The following AHI1 variants were observed in gnomAD, a reference collection of about 807,000 sequenced individuals.
The protein encoded by AHI1 is jouberin.
In AHI1, 123 loss-of-function variants were observed where a neutral mutation model predicts 149.3. The ratio of observed to expected loss-of-function variants is 0.82; its 90% confidence interval spans 0.71 to 0.96. AHI1 has a LOEUF of 0.96. Ranked by LOEUF, AHI1 falls within the 40% of genes least tolerant of loss-of-function variation. AHI1 has a pLI of 0.00. For missense variants in AHI1, 1,439 were observed against 1,422.7 expected (o/e 1.01, Z -0.18); for synonymous variants, 475 against 459.8 (o/e 1.03, Z -0.42).
chr6:135,316,561 G>A (rs145785175), intron 26 of AHI1, among the ~76,000 whole-genome samples: 75 of 151,778 alleles, frequency 4.9e-4, no homozygotes, highest in African/African-American at 1.7e-3. Flanking sequence ...TGGCTTCCAG[G>A]GCACTTTTTT....
chr6:135,483,566 G>C (rs778125939), intron 5 of AHI1, among the ~76,000 whole-genome samples: 1 of 152,092 alleles, frequency 6.6e-6, no homozygotes, highest in African/African-American at 2.4e-5. Context: ...GAATGTATAC[G>C]CAACTTCATA....
intron 20 of AHI1, among the ~76,000 whole-genome samples, chr6:135,418,528 G>C (rs908387344): frequency 1.3e-5 from 2 of 152,072 alleles, no homozygotes; most frequent in Non-Finnish European, 2.9e-5. Context: ...TTTCTCAAGA[G>C]ATTTTTATCT....
intron 5 of AHI1, among the ~76,000 whole-genome samples, chr6:135,468,477 G>A (rs1353314870): frequency 3.9e-5 from 6 of 152,100 alleles, no homozygotes; most frequent in Admixed American, 3.9e-4. Flanking sequence ...GCCGAGGTGG[G>A]TGGATCACAT....
chr6:135,364,584 C>T (rs1197409628), intron 23 of AHI1, among the ~76,000 whole-genome samples: 1 of 151,524 alleles, frequency 6.6e-6, no homozygotes, highest in South Asian at 2.1e-4. Flanking sequence ...CACGCCACTG[C>T]ACTCCAGCCT....
intron 24 of AHI1, among the ~76,000 whole-genome samples, chr6:135,357,428 A>G (rs545042344): frequency 3.9e-5 from 6 of 152,370 alleles, no homozygotes; most frequent in Admixed American, 3.9e-4. Context: ...AAAATTTGAA[A>G]AAGACCAAAA....
intron 26 of AHI1, among the ~76,000 whole-genome samples, chr6:135,311,480 G>A (rs1310028751): frequency 6.6e-6 from 1 of 152,070 alleles, no homozygotes; most frequent in Non-Finnish European, 1.5e-5. Flanking sequence ...TAGCAGGACA[G>A]AAGACTAATT....
Position 135,355,771 on chromosome 6 carries a change from C to T in AHI1, c.3165+2361G>A, listed in dbSNP as rs573726588. Among the ~76,000 whole-genome samples the T allele has an allele frequency of 8.5e-5, 13 of 152,088 alleles. No homozygotes were observed. The South Asian group carries it at 1.5e-3, about 17-fold the overall frequency. ...AAAATTAGCTGGGCGTGGTTGTGGA[C>T]GCCTGTAATCCCAGCTACTTAGGAG... On this transcript the variant is annotated intron_variant, in intron 24 of 28. Transcript: ENST00000265602.
intron 8 of AHI1, among the ~76,000 whole-genome samples, 173 bp from the exon 9 acceptor site, chr6:135,457,886 C>T (rs192887309): frequency 7.7e-4 from 117 of 152,192 alleles, no homozygotes; most frequent in African/African-American, 2.6e-3. Context: ...TAAAATACTA[C>T]ATTTGCTAAT....
intron 20 of AHI1, among the ~76,000 whole-genome samples, chr6:135,423,063 A>G (rs577413512): frequency 2.6e-5 from 4 of 152,106 alleles, no homozygotes; most frequent in African/African-American, 7.2e-5. Flanking sequence ...TAGGAAAATT[A>G]TTGTTTTCTC....
At position 135,428,775 on chromosome 6, in the gene AHI1, A is replaced by G; in HGVS notation, c.2493-16T>C. ...TGCTACTAATCTACAAGCAAAAAAG[A>G]TTTTACAAATGTAACTGTCTTAATC... On this transcript the variant is annotated splice_polypyrimidine_tract_variant and intron_variant, in intron 18 of 28. Transcript: ENST00000265602. 6.3e-7 allele frequency: 1 copy of G among 1,586,866 alleles called. No homozygotes were observed.
chr6:135,359,981 T>C (rs1793601026), intron 23 of AHI1, among the ~76,000 whole-genome samples: 1 of 152,144 alleles, frequency 6.6e-6, no homozygotes. Context: ...AACTGGATTA[T>C]CCAAAGTTAT....
At chr6:135,413,207 T>C (rs954982664) in intron 20 of AHI1, among the ~76,000 whole-genome samples, 3 of 152,006 alleles carry the variant, frequency 2.0e-5, no homozygotes, top group African/African-American at 7.2e-5. Flanking sequence ...CATGTGCCTG[T>C]AGTTTCCAGC....
intron 20 of AHI1, among the ~76,000 whole-genome samples, chr6:135,413,158 G>A (rs752085272): frequency 6.6e-6 from 1 of 151,826 alleles, no homozygotes; most frequent in Non-Finnish European, 1.5e-5. Context: ...ATGAGACCCT[G>A]TCTCTATAAA....
chr6:135,398,058 GTTTTTTT>G (rs68148024), intron 22 of AHI1, among the ~76,000 whole-genome samples: 5 of 88,428 alleles, frequency 5.7e-5, no homozygotes, highest in Admixed American at 1.3e-4. Flanking sequence ...TACCCAGGAT[GTTTTTTT>G]TTTTTTTTTT....
intron 13 of AHI1, among the ~76,000 whole-genome samples, chr6:135,445,416 A>G (rs1451591071): frequency 1.3e-5 from 2 of 152,198 alleles, no homozygotes; most frequent in African/African-American, 4.8e-5. Context: ...TAAAAGCTTA[A>G]ATTCTGCTCA....
intron 24 of AHI1, 140 bp from the exon 25 acceptor site, chr6:135,323,464 A>C (rs2128385042): frequency 1.3e-6 from 1 of 797,218 alleles, no homozygotes; most frequent in Middle Eastern, 2.4e-4. Context: ...AAGGTTTGCT[A>C]ATGGGATGAG....
intron 23 of AHI1, among the ~76,000 whole-genome samples, chr6:135,363,787 C>T (rs1261123345): frequency 5.9e-4 from 88 of 149,318 alleles, no homozygotes; most frequent in African/African-American, 2.0e-3. Flanking sequence ...CACCTCCCTC[C>T]GGGACGGGGT....
chr6:135,464,165 A>G (rs779594358), intron 7 of AHI1, among the ~76,000 whole-genome samples: 1 of 152,156 alleles, frequency 6.6e-6, no homozygotes, highest in Non-Finnish European at 1.5e-5. Context: ...ATTAATTTCC[A>G]ATATTTTTAG....
intron 5 of AHI1, among the ~76,000 whole-genome samples, chr6:135,472,121 G>A (rs1018569361): frequency 6.8e-6 from 1 of 147,110 alleles, no homozygotes; most frequent in Non-Finnish European, 1.5e-5. Context: ...AATGTATGCA[G>A]TCATGTGACC....
Sources: allele counts gnomAD v4.1 joint callset (sites outside exome capture counted in the v4.1 genomes callset), GRCh38; gene constraint gnomAD v4.1.1; transcripts MANE v1.5; gene names NCBI Gene and HGNC (gene_info 2026-07-23, HGNC 2026-07-21).